CLSTN2: variants seen among roughly 807,000 people sequenced by gnomAD.
CLSTN2 encodes the protein calsyntenin-2.
In CLSTN2, 48 loss-of-function variants were observed where a neutral mutation model predicts 101.2. The observed-to-expected ratio is 0.47, with a 90% CI of 0.38 to 0.60. The LOEUF is 0.60. Among genes scored for constraint, CLSTN2 ranks in the 20% least tolerant of loss-of-function variants. CLSTN2 has a pLI of 0.00. For synonymous variants in CLSTN2, 481 were observed against 463.6 expected, an observed-to-expected ratio of 1.04 and a Z score of -0.48; for missense variants, 1,160 against 1,238.2, an observed-to-expected ratio of 0.94 and a Z score of 0.95.
intron 1 of CLSTN2, among the ~76,000 whole-genome samples, chr3:140,100,035 G>C (rs1010707496): frequency 2.0e-5 from 3 of 152,126 alleles, no homozygotes; most frequent in Non-Finnish European, 2.9e-5. Context: ...CTCCTCCTGG[G>C]AGGTCACATA....
At chr3:140,075,775 G>A (rs1379720814) in intron 1 of CLSTN2, among the ~76,000 whole-genome samples, 5 of 152,000 alleles carry the variant, frequency 3.3e-5, no homozygotes, top group Admixed American at 6.6e-5. Context: ...TACCTTCTCC[G>A]CATGGCACAG....
intron 1 of CLSTN2, among the ~76,000 whole-genome samples, chr3:140,147,648 T>C (rs2009800146): frequency 6.6e-6 from 1 of 152,050 alleles, no homozygotes; most frequent in South Asian, 2.1e-4. Context: ...TCTAAGAGTA[T>C]AGGCATGCTT....
chr3:140,167,226 C>T (rs1576452752), intron 1 of CLSTN2, among the ~76,000 whole-genome samples: 1 of 152,240 alleles, frequency 6.6e-6, no homozygotes, highest in Non-Finnish European at 1.5e-5. Context: ...CTCCTTCAAA[C>T]TCTGTTCTAC....
intron 1 of CLSTN2, among the ~76,000 whole-genome samples, chr3:140,079,306 C>G (rs1379989121): frequency 6.6e-6 from 1 of 152,160 alleles, no homozygotes; most frequent in Non-Finnish European, 1.5e-5. Flanking sequence ...CCTTTTCAAT[C>G]TGTTGATTAA....
chr3:140,553,980 G>A (rs1014805296), intron 10 of CLSTN2, among the ~76,000 whole-genome samples: 1 of 148,990 alleles, frequency 6.7e-6, no homozygotes, highest in Admixed American at 6.6e-5. Flanking sequence ...AGGCTCGAGA[G>A]CCTTCACTCA....
intron 2 of CLSTN2, among the ~76,000 whole-genome samples, chr3:140,374,460 C>A (rs901520451): frequency 6.6e-6 from 1 of 152,144 alleles, no homozygotes; most frequent in Non-Finnish European, 1.5e-5. Flanking sequence ...AATCTCTATT[C>A]TTTGGGTATG....
chr3:140,388,519 G>C (rs1353108888), intron 2 of CLSTN2, among the ~76,000 whole-genome samples: 2 of 152,234 alleles, frequency 1.3e-5, no homozygotes, highest in Non-Finnish European at 2.9e-5. Flanking sequence ...TCTCCCTTTA[G>C]ATTCCTATAA....
intron 8 of CLSTN2, among the ~76,000 whole-genome samples, chr3:140,516,145 A>C (rs1934913251): frequency 6.6e-6 from 1 of 152,150 alleles, no homozygotes. Context: ...CTGATATAAG[A>C]ATAGCTACTC....
chr3:140,327,854 C>T (rs1333104360), intron 2 of CLSTN2, among the ~76,000 whole-genome samples: 2 of 152,170 alleles, frequency 1.3e-5, no homozygotes, highest in Non-Finnish European at 2.9e-5. Flanking sequence ...AACTAGTTGT[C>T]AGATATACTT....
chr3:140,185,352 C>T (rs1030491869), intron 2 of CLSTN2, among the ~76,000 whole-genome samples: 22 of 152,192 alleles, frequency 1.4e-4, no homozygotes, highest in African/African-American at 4.8e-4. Flanking sequence ...AGACCCCCAA[C>T]CACCTTTCTT....
chr3:140,344,294 A>G (rs1173814224), intron 2 of CLSTN2, among the ~76,000 whole-genome samples: 1 of 152,168 alleles, frequency 6.6e-6, no homozygotes, highest in African/African-American at 2.4e-5. Context: ...TGATGCTGTC[A>G]TGGCAAAATG....
intron 1 of CLSTN2, among the ~76,000 whole-genome samples, chr3:139,980,430 G>C (rs918847609): frequency 6.6e-6 from 1 of 152,182 alleles, no homozygotes; most frequent in East Asian, 1.9e-4. Context: ...TCATCAGAAA[G>C]TCCATCTATG....
intron 2 of CLSTN2, among the ~76,000 whole-genome samples, chr3:140,368,862 T>G (rs2087821400): frequency 6.6e-6 from 1 of 152,216 alleles, no homozygotes; most frequent in South Asian, 2.1e-4. Flanking sequence ...TATGTGAACA[T>G]TTTAGAAACA....
chr3:139,942,920 C>T (rs2107807196), intron 1 of CLSTN2, among the ~76,000 whole-genome samples: 1 of 152,280 alleles, frequency 6.6e-6, no homozygotes, highest in East Asian at 1.9e-4. Flanking sequence ...TTGCTTGTCT[C>T]CAGCTCAAGA....
intron 1 of CLSTN2, among the ~76,000 whole-genome samples, chr3:140,117,861 C>G: frequency 6.6e-6 from 1 of 152,208 alleles, no homozygotes; most frequent in East Asian, 1.9e-4. Context: ...ACTTCATATT[C>G]TTTCTATTCA....
At chr3:140,326,670 T>C (rs1434761269) in intron 2 of CLSTN2, among the ~76,000 whole-genome samples, 1 of 152,166 alleles carries the variant, frequency 6.6e-6, no homozygotes, top group African/African-American at 2.4e-5. Context: ...GCTACCACCC[T>C]TTTTGTCCTG....
chr3:140,394,487 CAG>C (rs1576546696), intron 2 of CLSTN2, among the ~76,000 whole-genome samples: 3 of 152,314 alleles, frequency 2.0e-5, no homozygotes. Context: ...CTTACAGCTA[CAG>C]CACTTCTCTG....
At chr3:140,353,221 A>C (rs1254675498) in intron 2 of CLSTN2, among the ~76,000 whole-genome samples, 1 of 143,578 alleles carries the variant, frequency 7.0e-6, no homozygotes, top group African/African-American at 2.6e-5. Flanking sequence ...AACTAATGGA[A>C]TATATATATG....
intron 1 of CLSTN2, among the ~76,000 whole-genome samples, chr3:139,998,322 G>T (rs1203352991): frequency 2.1e-5 from 2 of 94,506 alleles, no homozygotes; most frequent in African/African-American, 4.5e-5. Context: ...TGGGATAATA[G>T]TTCCCCCACA....
Sources: gnomAD v4.1 joint callset for allele counts (sites outside exome capture counted in the v4.1 genomes callset) on GRCh38, gnomAD v4.1.1 for gene constraint, MANE v1.5 for transcripts, NCBI Gene and HGNC (gene_info 2026-07-23, HGNC 2026-07-21) for gene names.